Variants in GPHN observed in about 807,000 individuals in gnomAD.
GPHN encodes the protein gephyrin.
A neutral mutation model predicts 95.5 loss-of-function variants in GPHN; 17 were observed. That is an observed-to-expected ratio of 0.18 (90% CI 0.12 to 0.27). The LOEUF (loss-of-function observed/expected upper bound fraction) is 0.27. Ranked by LOEUF, GPHN falls within the 10% of genes least tolerant of loss-of-function variation. GPHN has a pLI of 1.00. For missense variants in GPHN, 660 were observed against 978.1 expected, an observed-to-expected ratio of 0.67 and a Z score of 4.34; for synonymous variants, 320 against 322.5, an observed-to-expected ratio of 0.99 and a Z score of 0.08.
At chr14:67,625,461 C>T in the GPHN span, among the ~76,000 whole-genome samples, 1 of 151,612 alleles carries the variant, frequency 6.6e-6, no homozygotes, top group Admixed American at 6.6e-5. Context: ...GGCGGATCAC[C>T]TGAGGTCAGG....
chr14:66,784,648 A>G (rs530263996), intron 3 of GPHN, among the ~76,000 whole-genome samples: 79 of 152,338 alleles, frequency 5.2e-4, no homozygotes, highest in African/African-American at 1.7e-3. Flanking sequence ...GGAATGATAA[A>G]ATGTCAATAC....
chr14:66,863,326 C>A (rs1467681169), intron 4 of GPHN, among the ~76,000 whole-genome samples: 1 of 151,554 alleles, frequency 6.6e-6, no homozygotes, highest in East Asian at 1.9e-4. Flanking sequence ...CAGAGGACAC[C>A]AAAAACTGGA....
At chr14:67,278,497 A>T in the GPHN span, among the ~76,000 whole-genome samples, 193 of 152,300 alleles carry the variant, frequency 1.3e-3, 11 homozygotes, top group South Asian at 0.039. Flanking sequence ...AAGATGAATT[A>T]TCCCCCAGAA....
the GPHN span, among the ~76,000 whole-genome samples, chr14:67,645,446 C>T: frequency 6.6e-6 from 1 of 152,164 alleles, no homozygotes; most frequent in Admixed American, 6.5e-5. Context: ...TCACCAGCTT[C>T]GAATCTCTAG....
the GPHN span, among the ~76,000 whole-genome samples, chr14:67,304,566 T>C: frequency 1.3e-5 from 2 of 152,214 alleles, no homozygotes; most frequent in Non-Finnish European, 2.9e-5. Context: ...GGTTCATTTA[T>C]ATAAAATGTC....
intron 9 of GPHN, among the ~76,000 whole-genome samples, chr14:66,998,031 C>A (rs2071936444): frequency 6.6e-6 from 1 of 152,146 alleles, no homozygotes; most frequent in African/African-American, 2.4e-5. Context: ...AAGAAGTCTA[C>A]CATTGGCATC....
intron 12 of GPHN, among the ~76,000 whole-genome samples, chr14:67,091,775 A>G (rs1010575273): frequency 6.6e-6 from 1 of 151,752 alleles, no homozygotes; most frequent in African/African-American, 2.4e-5. Context: ...TGTACAACTC[A>G]TCAAAAAATT....
At chr14:67,319,937 C>T in the GPHN span, among the ~76,000 whole-genome samples, 4 of 152,106 alleles carry the variant, frequency 2.6e-5, no homozygotes, top group African/African-American at 4.8e-5. Context: ...TCCCTGGTAC[C>T]GCATCCTTAT....
At chr14:66,582,916 G>A (rs1468696309) in intron 1 of GPHN, among the ~76,000 whole-genome samples, 2 of 152,070 alleles carry the variant, frequency 1.3e-5, no homozygotes, top group African/African-American at 4.8e-5. Context: ...GGGATGGCTG[G>A]GTCAAATGGT....
rs1157690518 is a variant in GPHN at position 66,957,187 on chromosome 14, C to CTTT, written c.829-7980_829-7978dup. ...GTAAATTTCTCAAATTTCTTTCTTT[C>CTTT]TTTTTTTTTTTTTTTTTTTTTTTTT... is the stretch of plus-strand genomic sequence containing the variant. On this transcript the variant is annotated intron_variant, in intron 8 of 22. Coordinates refer to ENST00000478722, the MANE Select transcript of GPHN (RefSeq NM_020806.5). Among the ~76,000 whole-genome samples, 106 of 84,844 alleles carry CTTT rather than the reference C, an allele frequency of 1.2e-3. 2 individuals are homozygous for CTTT. Among genetic ancestry groups the CTTT allele is most frequent in the Non-Finnish European group, 1.3e-3 (62 of 47,662 alleles). The allele number at this position is 84,844 out of a possible 152,430, so 55.7% of individuals were successfully genotyped here.
At chr14:67,103,673 C>A (rs1057198520) in intron 13 of GPHN, among the ~76,000 whole-genome samples, 1 of 150,294 alleles carries the variant, frequency 6.7e-6, no homozygotes, top group African/African-American at 2.4e-5. Context: ...TCTTTCTCTG[C>A]TAGTTTGTTC....
At chr14:67,520,141 C>T in the GPHN span, among the ~76,000 whole-genome samples, 1 of 152,222 alleles carries the variant, frequency 6.6e-6, no homozygotes, top group South Asian at 2.1e-4. Context: ...GAATCCCCCA[C>T]CAGAGTCGTA....
intron 4 of GPHN, among the ~76,000 whole-genome samples, chr14:66,857,773 T>C (rs1422925181): frequency 6.6e-6 from 1 of 152,138 alleles, no homozygotes; most frequent in Non-Finnish European, 1.5e-5. Context: ...AAACACAGTC[T>C]TGAATTACCA....
At chr14:67,251,872 A>C in the GPHN span, among the ~76,000 whole-genome samples, 1 of 152,186 alleles carries the variant, frequency 6.6e-6, no homozygotes, top group African/African-American at 2.4e-5. Context: ...ATGGGGCCCC[A>C]CCTTCAACCT....
chr14:67,190,689 T>C, the GPHN span, among the ~76,000 whole-genome samples: 42 of 152,262 alleles, frequency 2.8e-4, no homozygotes, highest in African/African-American at 9.6e-4. Context: ...AGCTGAAAGG[T>C]TGGGCATGGG....
chr14:66,616,688 A>G (rs530427580), intron 1 of GPHN, among the ~76,000 whole-genome samples: 1 of 152,068 alleles, frequency 6.6e-6, no homozygotes, highest in East Asian at 1.9e-4. Context: ...GGTCTCACCC[A>G]GTTAGGGGCA....
intron 9 of GPHN, among the ~76,000 whole-genome samples, chr14:67,004,994 G>A (rs2072503076): frequency 6.6e-6 from 1 of 151,434 alleles, no homozygotes; most frequent in African/African-American, 2.4e-5. Flanking sequence ...GGGTGATAGA[G>A]GAGACCCTGA....
At chr14:67,098,213 A>C (rs543259976) in intron 12 of GPHN, among the ~76,000 whole-genome samples, 1 of 152,142 alleles carries the variant, frequency 6.6e-6, no homozygotes, top group Non-Finnish European at 1.5e-5. Context: ...TTGGCACTGC[A>C]CTAAAATAGA....
At chr14:67,699,764 A>G in the GPHN span, among the ~76,000 whole-genome samples, 1 of 152,310 alleles carries the variant, frequency 6.6e-6, no homozygotes, top group Admixed American at 6.5e-5. Flanking sequence ...ACTAAAAAGT[A>G]AAGAAAAACC....
Sources: allele counts gnomAD v4.1 joint callset (sites outside exome capture counted in the v4.1 genomes callset), GRCh38; gene constraint gnomAD v4.1.1; transcripts MANE v1.5; gene names NCBI Gene and HGNC (gene_info 2026-07-23, HGNC 2026-07-21).